TRPM3: variants seen among roughly 807,000 people sequenced by gnomAD.
TRPM3 encodes the protein transient receptor potential cation channel subfamily M member 3.
A neutral mutation model predicts 181.2 loss-of-function variants in TRPM3; 77 were observed. The ratio of observed to expected loss-of-function variants is 0.42; its 90% CI spans 0.35 to 0.51. The LOEUF is 0.51. Ranked by LOEUF, TRPM3 falls within the 20% of genes least tolerant of loss-of-function variation. The pLI is 0.01. For missense variants in TRPM3, 1,759 were observed against 2,196.7 expected (o/e 0.80, Z 3.98); for synonymous variants, 745 against 796.4 (o/e 0.94, Z 1.09).
At chr9:70,825,775 C>T (rs2093516316) in intron 6 of TRPM3, 1 of 152,416 alleles carries the variant, frequency 6.6e-6, no homozygotes, top group African/African-American at 2.4e-5. Flanking sequence ...TGAAGAAAGT[C>T]ACCCCTTCAG....
intron 6 of TRPM3, among the ~76,000 whole-genome samples, chr9:70,810,724 A>G (rs995880574): frequency 6.6e-6 from 1 of 152,178 alleles, no homozygotes; most frequent in Non-Finnish European, 1.5e-5. Context: ...TGAAAGGAGA[A>G]AGTATTTTGG....
intron 5 of TRPM3, among the ~76,000 whole-genome samples, chr9:70,834,270 G>A (rs1236463456): frequency 1.3e-5 from 2 of 152,168 alleles, no homozygotes; most frequent in African/African-American, 4.8e-5. Flanking sequence ...CTTTGAAAAT[G>A]TGTCCCTTAA....
At chr9:71,408,821 A>C (rs2093487170) in intron 1 of TRPM3, among the ~76,000 whole-genome samples, 1 of 152,198 alleles carries the variant, frequency 6.6e-6, no homozygotes, top group African/African-American at 2.4e-5. Flanking sequence ...CCAAGGTTGA[A>C]ATGAAGGAAA....
At chr9:70,994,186 C>G (rs943034600) in intron 1 of TRPM3, among the ~76,000 whole-genome samples, 2 of 152,128 alleles carry the variant, frequency 1.3e-5, no homozygotes, top group Non-Finnish European at 2.9e-5. Context: ...AACAAGATAC[C>G]TAATCTCAAA....
intron 1 of TRPM3, among the ~76,000 whole-genome samples, chr9:71,158,367 T>A (rs2076105776): frequency 6.6e-6 from 1 of 152,144 alleles, no homozygotes; most frequent in Admixed American, 6.6e-5. Flanking sequence ...AAACCCATAC[T>A]ACCTAATTTA....
chr9:71,203,809 C>A (rs1483317944), intron 1 of TRPM3, among the ~76,000 whole-genome samples: 3 of 152,264 alleles, frequency 2.0e-5, no homozygotes, highest in East Asian at 3.9e-4. Flanking sequence ...TCCTCCTCCA[C>A]CTCCTTCTTT....
intron 9 of TRPM3, among the ~76,000 whole-genome samples, chr9:70,671,982 C>G (rs1352059759): frequency 2.7e-5 from 4 of 149,734 alleles, no homozygotes; most frequent in Non-Finnish European, 5.9e-5. Flanking sequence ...GTTGGCCAGG[C>G]TGGTCTTGAA....
chr9:70,823,136 C>G (rs1444145760), intron 6 of TRPM3, among the ~76,000 whole-genome samples: 6 of 152,106 alleles, frequency 3.9e-5, no homozygotes, highest in Non-Finnish European at 8.8e-5. Context: ...CTCCCCCCGA[C>G]CCCACGCACA....
chr9:71,094,146 G>A (rs529015898), intron 1 of TRPM3, among the ~76,000 whole-genome samples: 9 of 151,616 alleles, frequency 5.9e-5, no homozygotes, highest in Non-Finnish European at 1.3e-4. Flanking sequence ...ATGCATTCAG[G>A]GCTTAAAACC....
chr9:70,549,561 T>C lies in TRPM3; in HGVS notation c.3688A>G (p.Ile1230Val). 6.2e-7 allele frequency: 1 copy of C among 1,613,602 alleles called. No homozygotes were observed. Reference sequence around the variant, plus strand: ...ACACACCTTTCTGAAGTCACCCGTATCCTCTCATCATTAGATGAGTTGAAC... The same window carrying C: ...ACACACCTTTCTGAAGTCACCCGTACCCTCTCATCATTAGATGAGTTGAAC... ...DRFNSSNDERIRVTSERVENM... is the reference protein window; with the variant it reads ...DRFNSSNDERVRVTSERVENM... The change falls in exon 25 of 26, where the codon ATA (isoleucine) becomes GTA (valine). Residue 1230 changes from isoleucine (I) to valine (V), a missense_variant. Ile to Val is a conservative substitution (Grantham distance 29, BLOSUM62 3). Transcript: ENST00000677713.
intron 1 of TRPM3, among the ~76,000 whole-genome samples, chr9:71,148,402 G>T (rs1165451100): frequency 1.3e-5 from 2 of 152,030 alleles, no homozygotes; most frequent in Non-Finnish European, 2.9e-5. Context: ...TATGTGATTT[G>T]CTACAACAAT....
chr9:70,616,800 T>C (rs1015541000), intron 17 of TRPM3, among the ~76,000 whole-genome samples: 1 of 152,128 alleles, frequency 6.6e-6, no homozygotes, highest in Non-Finnish European at 1.5e-5. Context: ...TGTATAAACA[T>C]CACGCATAAA....
intron 1 of TRPM3, among the ~76,000 whole-genome samples, chr9:71,403,182 T>C (rs2093373568): frequency 6.6e-6 from 1 of 152,214 alleles, no homozygotes; most frequent in Non-Finnish European, 1.5e-5. Flanking sequence ...TTTGTTTTTA[T>C]AATTAAAGTT....
At chr9:70,878,827 C>T (rs1172440754) in intron 1 of TRPM3, among the ~76,000 whole-genome samples, 1 of 151,984 alleles carries the variant, frequency 6.6e-6, no homozygotes, top group Non-Finnish European at 1.5e-5. Context: ...GATTCATAGG[C>T]CCCCAACGGA....
intron 25 of TRPM3, among the ~76,000 whole-genome samples, chr9:70,544,295 CAG>C (rs1799910194): frequency 6.6e-6 from 1 of 152,130 alleles, no homozygotes; most frequent in African/African-American, 2.4e-5. Context: ...GGTAATTAAA[CAG>C]ACGGTATTTT....
intron 1 of TRPM3, among the ~76,000 whole-genome samples, chr9:71,341,065 C>T (rs2090928666): frequency 1.3e-5 from 2 of 151,980 alleles, no homozygotes; most frequent in Admixed American, 1.3e-4. Flanking sequence ...AATACTATAC[C>T]TATGAGTCTA....
intron 12 of TRPM3, among the ~76,000 whole-genome samples, chr9:70,633,956 A>T (rs576435147): frequency 6.6e-6 from 1 of 152,332 alleles, no homozygotes; most frequent in East Asian, 1.9e-4. Context: ...GAATTAAAAC[A>T]TCACTTTCTG....
intron 7 of TRPM3, among the ~76,000 whole-genome samples, chr9:70,762,846 C>T (rs2135313553): frequency 6.6e-6 from 1 of 152,282 alleles, no homozygotes; most frequent in East Asian, 1.9e-4. Context: ...GTCCAGGGCT[C>T]TTTCCACCAC....
At chr9:71,246,965 C>T (rs1348001418) in intron 1 of TRPM3, among the ~76,000 whole-genome samples, 3 of 152,148 alleles carry the variant, frequency 2.0e-5, no homozygotes, top group Non-Finnish European at 4.4e-5. Flanking sequence ...TTTCAAACCC[C>T]AGACTGTTAA....
Sources: gnomAD v4.1 joint callset for allele counts (sites outside exome capture counted in the v4.1 genomes callset) on GRCh38, gnomAD v4.1.1 for gene constraint, MANE v1.5 for transcripts, NCBI Gene and HGNC (gene_info 2026-07-23, HGNC 2026-07-21) for gene names.